The following IFT56 variants were observed in gnomAD, a reference collection of about 807,000 sequenced individuals.
IFT56 encodes the protein intraflagellar transport protein 56.
At chr7:139,152,663 T>G in the IFT56 span, among the ~76,000 whole-genome samples, 1 of 152,222 alleles carries the variant, frequency 6.6e-6, no homozygotes, top group Middle Eastern at 3.2e-3. Flanking sequence ...TTTAGAAAGG[T>G]CACTTTCATT....
At chr7:139,139,125 A>G in the IFT56 span, among the ~76,000 whole-genome samples, 1 of 152,134 alleles carries the variant, frequency 6.6e-6, no homozygotes, top group Non-Finnish European at 1.5e-5. Flanking sequence ...TTTCCTACAT[A>G]TTCTCATTCC....
chr7:139,155,221 A>G, the IFT56 span, among the ~76,000 whole-genome samples: 1 of 151,988 alleles, frequency 6.6e-6, no homozygotes, highest in African/African-American at 2.4e-5. Flanking sequence ...GATTTTGGGG[A>G]GGATTTTCTA....
At chr7:139,181,204 T>G in the IFT56 span, 1 of 1,593,204 alleles carries the variant, frequency 6.3e-7, no homozygotes, top group African/African-American at 1.3e-5. Flanking sequence ...ACAAGGTGAG[T>G]CTGACTGAGA....
the IFT56 span, chr7:139,168,359 G>A: frequency 6.2e-7 from 1 of 1,607,930 alleles, no homozygotes; most frequent in Non-Finnish European, 8.5e-7. Context: ...TATTCTCAAA[G>A]GAGTGGTCAA....
the IFT56 span, among the ~76,000 whole-genome samples, chr7:139,153,132 G>A: frequency 6.8e-6 from 1 of 147,882 alleles, no homozygotes; most frequent in Admixed American, 6.8e-5. Flanking sequence ...CCGAGCAACG[G>A]AGCAAGACTC....
chr7:139,137,864 G>T, the IFT56 span: 3 of 1,613,124 alleles, frequency 1.9e-6, no homozygotes, highest in South Asian at 3.3e-5. Context: ...GTCATGTTGG[G>T]GAAGAAGAAG....
the IFT56 span, among the ~76,000 whole-genome samples, chr7:139,187,100 C>CAAAAAAA: frequency 3.9e-5 from 2 of 51,616 alleles, no homozygotes; most frequent in East Asian, 5.2e-4. Context: ...GACTCCGTCT[C>CAAAAAAA]AAAAAAAAAA....
the IFT56 span, chr7:139,134,596 C>G: frequency 3.3e-6 from 5 of 1,521,962 alleles, no homozygotes; most frequent in Admixed American, 1.1e-4. Flanking sequence ...AGCTGTCACT[C>G]TCAGTTTAAA....
chr7:139,176,964 G>A, the IFT56 span, among the ~76,000 whole-genome samples: 1 of 151,984 alleles, frequency 6.6e-6, no homozygotes, highest in Non-Finnish European at 1.5e-5. Context: ...ACGAGGTCAG[G>A]AGATCGAGAC....
chr7:139,180,230 G>T, the IFT56 span, among the ~76,000 whole-genome samples: 2 of 152,124 alleles, frequency 1.3e-5, no homozygotes, highest in African/African-American at 2.4e-5. Flanking sequence ...CCAGCTGCTC[G>T]GGAGGCTGAG....
the IFT56 span, among the ~76,000 whole-genome samples, chr7:139,156,840 A>G: frequency 2.0e-5 from 3 of 152,182 alleles, no homozygotes; most frequent in African/African-American, 7.2e-5. Context: ...CCTTGCCCTC[A>G]ATGCCATACG....
chr7:139,139,159 G>A, the IFT56 span, among the ~76,000 whole-genome samples: 1 of 152,168 alleles, frequency 6.6e-6, no homozygotes, highest in Non-Finnish European at 1.5e-5. Flanking sequence ...AAGCAAATTT[G>A]AAGAACGTTC....
chr7:139,164,380 G>A, the IFT56 span, among the ~76,000 whole-genome samples: 1 of 152,204 alleles, frequency 6.6e-6, no homozygotes, highest in Non-Finnish European at 1.5e-5. Context: ...GATGCAGAAT[G>A]TCTGCCTAGA....
the IFT56 span, among the ~76,000 whole-genome samples, chr7:139,188,569 A>G: frequency 1.4e-4 from 22 of 152,386 alleles, no homozygotes; most frequent in African/African-American, 5.3e-4. Context: ...AGTTCTAAGT[A>G]AAAGTTTAAA....
the IFT56 span, chr7:139,174,032 G>A: frequency 1.0e-4 from 63 of 615,286 alleles, 1 homozygote; most frequent in East Asian, 1.5e-3. Flanking sequence ...GGCCTTTTAA[G>A]ACAGAGTCAA....
the IFT56 span, chr7:139,173,566 G>C: frequency 2.5e-6 from 2 of 803,754 alleles, no homozygotes; most frequent in South Asian, 1.3e-5. Flanking sequence ...CATATGGATA[G>C]AGTAAAACCA....
At chr7:139,173,106 C>T in the IFT56 span, 3 of 717,332 alleles carry the variant, frequency 4.2e-6, no homozygotes, top group Non-Finnish European at 2.6e-6. Context: ...TTGGCTGACT[C>T]TCTGTGGACT....
chr7:139,155,275 C>T, the IFT56 span, among the ~76,000 whole-genome samples: 1 of 152,120 alleles, frequency 6.6e-6, no homozygotes, highest in Non-Finnish European at 1.5e-5. Context: ...TTGCTACTAC[C>T]TTTCCAGTCT....
At chr7:139,145,822 T>C in the IFT56 span, among the ~76,000 whole-genome samples, 1 of 152,282 alleles carries the variant, frequency 6.6e-6, no homozygotes, top group Admixed American at 6.5e-5. Flanking sequence ...AAGTCTTTGA[T>C]TGAATTTAAA....
Sources: allele counts gnomAD v4.1 joint callset (sites outside exome capture counted in the v4.1 genomes callset), GRCh38; gene constraint gnomAD v4.1.1; transcripts MANE v1.5; gene names NCBI Gene and HGNC (gene_info 2026-07-23, HGNC 2026-07-21).